The following HDAC4 variants were observed in gnomAD, a reference collection of about 807,000 sequenced individuals.
HDAC4 encodes histone deacetylase 4.
A neutral mutation model predicts 135.1 loss-of-function variants in HDAC4; 16 were observed. The observed-to-expected ratio is 0.12, with a 90% confidence interval of 0.08 to 0.18. HDAC4 has a LOEUF of 0.18. Ranked by LOEUF, HDAC4 falls within the 10% of genes least tolerant of loss-of-function variation. The pLI, the probability that HDAC4 is intolerant of heterozygous loss-of-function variation, is 1.00. For missense variants in HDAC4, 1,143 were observed against 1,511.8 expected, an observed-to-expected ratio of 0.76 and a Z score of 4.05; for synonymous variants, 685 against 653.4, an observed-to-expected ratio of 1.05 and a Z score of -0.74.
At chr2:239,377,099 C>T (rs779108970) in intron 1 of HDAC4, among the ~76,000 whole-genome samples, 42 of 152,198 alleles carry the variant, frequency 2.8e-4, no homozygotes, top group Non-Finnish European at 4.9e-4. Context: ...CCTCTGCCTT[C>T]GGTGCCCAGA....
At chr2:239,362,281 A>C (rs1297424319) in intron 1 of HDAC4, among the ~76,000 whole-genome samples, 1 of 152,244 alleles carries the variant, frequency 6.6e-6, no homozygotes, top group Non-Finnish European at 1.5e-5. Context: ...AAGCAAATGC[A>C]TCACTAACGC....
intron 9 of HDAC4, among the ~76,000 whole-genome samples, chr2:239,137,493 CA>C (rs1226155300): frequency 6.6e-6 from 1 of 151,978 alleles, no homozygotes; most frequent in Non-Finnish European, 1.5e-5. Context: ...GCCTCCCTGG[CA>C]CTGTAGAGGA....
intron 7 of HDAC4, 67 bp from the exon 8 acceptor site, chr2:239,144,781 G>T (rs112907592): frequency 1.9e-6 from 3 of 1,573,508 alleles, no homozygotes; most frequent in South Asian, 1.1e-5. Context: ...CCTGTTGGTG[G>T]TTTTTTAAAA....
intron 4 of HDAC4, among the ~76,000 whole-genome samples, chr2:239,180,779 G>A (rs1350433562): frequency 1.3e-5 from 2 of 152,162 alleles, no homozygotes; most frequent in Non-Finnish European, 1.5e-5. Context: ...GGCCCACCCC[G>A]AGGAAGAGTC....
In HDAC4 at chr2:239,115,240, C is replaced by T. The variant is rs553454254; in HGVS notation, c.1604G>A (p.Arg535His). The stretch of plus-strand genomic sequence containing the variant: ...CTCGTCCAGCAGAGCCTGGTGCTCA[C>T]GGAGCTCCTCCTCCGTCTCCTCCGG... Reference protein sequence around the residue: ...SHPEETEEELREHQALLDEPY... With the variant: ...SHPEETEEELHEHQALLDEPY... The change falls in exon 13 of 27, where the codon CGT (arginine) becomes CAT (histidine). Residue 535 changes from arginine (R) to histidine (H), a missense_variant. By Grantham distance (29) the Arg-to-His change is conservative (BLOSUM62 0). Around this residue, in one of 9 missense-constraint regions of HDAC4, gnomAD observed 196 missense variants for 210.7 expected, o/e 0.93. Transcript: ENST00000543185. The surrounding 1 kb of genome is among the most constrained non-coding windows in gnomAD (Gnocchi z 6.3). 5.3e-5 allele frequency: 86 copies of T among 1,612,616 alleles called. No homozygotes were observed. Among genetic ancestry groups the T allele is most frequent in the Non-Finnish European group, 6.8e-5 (80 of 1,179,682 alleles).
intron 2 of HDAC4, among the ~76,000 whole-genome samples, chr2:239,339,522 T>C (rs1379464583): frequency 6.6e-6 from 1 of 152,230 alleles, no homozygotes; most frequent in African/African-American, 2.4e-5. Context: ...ACCAAAGCCA[T>C]GCTCTCTCGG....
chr2:239,090,099 T>C lies in HDAC4; in HGVS notation c.2298A>G (p.Ile766Met). Residue 766 changes from isoleucine to methionine, a missense_variant, in exon 18 of 27, where the codon ATA becomes ATG. This residue lies in a region of HDAC4 where 49 missense variants were observed against 55.6 expected (regional missense o/e 0.88). Coordinates refer to ENST00000543185, the MANE Select transcript of HDAC4 (RefSeq NM_001378414.1). The stretch of plus-strand genomic sequence containing the variant: ...CCCCCGCCGAGTGCACCTCGTTCCA[T>C]ATGGTGTCACTGTCCACCTGTGGAA... ...CGGVGVDSDT[I>M]WNEVHSAGAA... 1 of 1,613,108 alleles carries C rather than the reference T, an allele frequency of 6.2e-7. No individual in the cohort carries two copies. The highest frequency in any genetic ancestry group is 8.5e-7 in the Non-Finnish European group (1 of 1,179,432).
intron 2 of HDAC4, among the ~76,000 whole-genome samples, chr2:239,328,019 C>T (rs2053520370): frequency 1.3e-5 from 2 of 152,258 alleles, no homozygotes; most frequent in South Asian, 4.1e-4. Flanking sequence ...CTGCACATCC[C>T]TCCACATCTG....
intron 6 of HDAC4, among the ~76,000 whole-genome samples, chr2:239,162,701 T>C (rs2042886655): frequency 6.6e-6 from 1 of 152,118 alleles, no homozygotes; most frequent in South Asian, 2.1e-4. Flanking sequence ...CCAGACGGTG[T>C]GTCTGCCGTG....
rs56329701 is a variant in HDAC4, at chr2:239,055,001, T to TTATTA, written c.3004-169_3004-168insTAATA. Among the ~76,000 whole-genome samples, 69,588 of 151,560 alleles carry TTATTA rather than the reference T, an allele frequency of 0.46. 16,893 individuals carry two copies. The highest frequency in any genetic ancestry group is 0.55 in the African/African-American group (22,760 of 41,212). ...TAAAAAGCCAAATGTGCCGTGGTAT[T>TTATTA]TATAATTTTTTTGTAAAAGTGGATT... On this transcript the variant is annotated intron_variant, in intron 24 of 26. Coordinates refer to ENST00000543185, the MANE Select transcript of HDAC4 (RefSeq NM_001378414.1).
chr2:239,135,628 A>G (rs2040899171), intron 9 of HDAC4, among the ~76,000 whole-genome samples: 1 of 152,198 alleles, frequency 6.6e-6, no homozygotes, highest in Admixed American at 6.5e-5. Flanking sequence ...AAATCTGTCT[A>G]ACCTTTGATG....
intron 4 of HDAC4, among the ~76,000 whole-genome samples, chr2:239,181,117 G>C (rs1166318753): frequency 6.6e-6 from 1 of 152,238 alleles, no homozygotes; most frequent in Non-Finnish European, 1.5e-5. Context: ...CCAGACATTG[G>C]GGACAGGACC....
intron 3 of HDAC4, among the ~76,000 whole-genome samples, chr2:239,195,598 AC>A (rs2045328548): frequency 6.6e-6 from 1 of 152,244 alleles, no homozygotes; most frequent in Admixed American, 6.5e-5. Context: ...TCAAAATGCC[AC>A]GAGTTCCCAA....
At chr2:239,367,391 CCTAT>C (rs1310822807) in intron 1 of HDAC4, among the ~76,000 whole-genome samples, 11 of 152,146 alleles carry the variant, frequency 7.2e-5, no homozygotes, top group African/African-American at 2.2e-4. Flanking sequence ...AAAAATGTTA[CCTAT>C]CTATTTAACA....
chr2:239,154,736 A>C (rs1397438351), intron 7 of HDAC4: 1 of 152,220 alleles, frequency 6.6e-6, no homozygotes, highest in Non-Finnish European at 1.5e-5. Context: ...ACTACTGGGC[A>C]CATCTTTCTG....
In HDAC4 at chr2:239,122,834, C is replaced by T. The variant is rs867867182; in HGVS notation, c.1533+3622G>A. ...AGGCTGAAGGAGGGGCAGACCAAGC[C>T]GGCCCCAGCTGCAACCCCAATGTAG... On this transcript the variant is annotated intron_variant, in intron 12 of 26. Coordinates refer to ENST00000543185, the MANE Select transcript of HDAC4 (RefSeq NM_001378414.1). Among the ~76,000 whole-genome samples the T allele has an allele frequency of 1.2e-4, 19 of 152,208 alleles. 1 individual carries two copies. Among genetic ancestry groups the T allele is most frequent in the Admixed American group, 5.2e-4 (8 of 15,280 alleles).
At chr2:239,320,006 A>C (rs984456882) in intron 2 of HDAC4, among the ~76,000 whole-genome samples, 2 of 147,270 alleles carry the variant, frequency 1.4e-5, no homozygotes, top group Non-Finnish European at 3.0e-5. Flanking sequence ...TGATGCAGAT[A>C]ATGTCTATGA....
At chr2:239,214,108 A>G (rs1195089797) in intron 3 of HDAC4, among the ~76,000 whole-genome samples, 1 of 152,212 alleles carries the variant, frequency 6.6e-6, no homozygotes, top group Non-Finnish European at 1.5e-5. Context: ...ATTATCTTAC[A>G]GTTCCGGAGG....
At chr2:239,136,687 C>T (rs2040979971) in intron 9 of HDAC4, among the ~76,000 whole-genome samples, 1 of 152,196 alleles carries the variant, frequency 6.6e-6, no homozygotes, top group South Asian at 2.1e-4. Context: ...CAGCAACTCA[C>T]CAGCAAAACC....
Sources: allele counts gnomAD v4.1 joint callset (sites outside exome capture counted in the v4.1 genomes callset), GRCh38; gene constraint gnomAD v4.1.1; regional missense constraint gnomAD v4.1.1; non-coding constraint Gnocchi (gnomAD v3.1); transcripts MANE v1.5; gene names NCBI Gene and HGNC (gene_info 2026-07-23, HGNC 2026-07-21).